Variants in PPARGC1B observed in about 807,000 individuals in gnomAD.
PPARGC1B encodes PPARG coactivator 1 beta.
In PPARGC1B, 34 loss-of-function variants were observed where a neutral mutation model predicts 101.6. That is an observed-to-expected ratio of 0.33 (90% confidence interval 0.25 to 0.45). The LOEUF (loss-of-function observed/expected upper bound fraction) is 0.45. Ranked by LOEUF, PPARGC1B falls within the 20% of genes least tolerant of loss-of-function variation. The pLI is 1.00. For missense variants in PPARGC1B, 1,234 were observed against 1,317.6 expected (o/e 0.94, Z 0.98); for synonymous variants, 548 against 539.3 (o/e 1.02, Z -0.22).
intron 1 of PPARGC1B, among the ~76,000 whole-genome samples, chr5:149,738,816 T>G (rs1754815616): frequency 6.6e-6 from 1 of 152,226 alleles, no homozygotes; most frequent in South Asian, 2.1e-4. Context: ...AGGCTGGTCT[T>G]GAACTCCTGA....
chr5:149,768,780 T>C (rs558843038), intron 1 of PPARGC1B, among the ~76,000 whole-genome samples: 1 of 150,828 alleles, frequency 6.6e-6, no homozygotes, highest in East Asian at 2.0e-4. Context: ...CCTCCCAAAG[T>C]GCTAGGATTA....
chr5:149,748,202 A>G (rs374617809), intron 1 of PPARGC1B, among the ~76,000 whole-genome samples: 2 of 152,130 alleles, frequency 1.3e-5, no homozygotes, highest in African/African-American at 4.8e-5. Flanking sequence ...GCCTGAGTCC[A>G]GGGTCTGTCA....
chr5:149,801,713 A>C (rs1757435961), intron 1 of PPARGC1B, among the ~76,000 whole-genome samples: 1 of 152,086 alleles, frequency 6.6e-6, no homozygotes, highest in Admixed American at 6.6e-5. Flanking sequence ...TGGGGGCTGG[A>C]GTAGAGGCAG....
In PPARGC1B at chr5:149,787,109, A is replaced by T. The variant is rs1400689365; in HGVS notation, c.79-33324A>T. Among the ~76,000 whole-genome samples the T allele has an allele frequency of 1.1e-4, 16 of 152,222 alleles. 1 individual carries two copies. The highest frequency in any genetic ancestry group is 1.0e-3 in the Admixed American group (16 of 15,292). ...ACACAGGCTCTTTCCAGCCAATGGG[A>T]GAAACGGCCTCAGGGTTTCCCATGG... is the stretch of plus-strand genomic sequence containing the variant. On this transcript the variant is annotated intron_variant, in intron 1 of 11. Transcript: ENST00000309241.
intron 1 of PPARGC1B, among the ~76,000 whole-genome samples, chr5:149,779,131 ACT>A (rs1756502296): frequency 6.6e-6 from 1 of 151,984 alleles, no homozygotes; most frequent in Non-Finnish European, 1.5e-5. Flanking sequence ...CCCCAGCCAG[ACT>A]CTGAATCTGA....
intron 1 of PPARGC1B, among the ~76,000 whole-genome samples, chr5:149,769,588 A>G (rs1756048202): frequency 1.3e-5 from 2 of 152,054 alleles, no homozygotes; most frequent in African/African-American, 4.8e-5. Flanking sequence ...TATACGTTGA[A>G]TGGGGGCTGT....
At chr5:149,826,972 C>A in intron 3 of PPARGC1B, 87 bp downstream of exon 3, 5 of 1,028,368 alleles carry the variant, frequency 4.9e-6, no homozygotes, top group Non-Finnish European at 7.3e-6. Flanking sequence ...CAATCCGCTC[C>A]AGCCCCGCAG....
At chr5:149,738,315 T>C (rs1443389899) in intron 1 of PPARGC1B, among the ~76,000 whole-genome samples, 2 of 152,216 alleles carry the variant, frequency 1.3e-5, no homozygotes, top group Non-Finnish European at 2.9e-5. Context: ...TTTCGTTCAT[T>C]TCACCCACCT....
At chr5:149,772,051 T>A in intron 1 of PPARGC1B, 3 of 1,535,028 alleles carry the variant, frequency 2.0e-6, no homozygotes, top group Non-Finnish European at 2.6e-6. Context: ...CGTGCCAGGC[T>A]GTGCACAGGT....
chr5:149,857,450 C>T (rs2113479219), downstream of PPARGC1B, among the ~76,000 whole-genome samples: 1 of 152,292 alleles, frequency 6.6e-6, no homozygotes, highest in Middle Eastern at 3.4e-3. Context: ...CATCAATGCC[C>T]GTGTGTTCCT....
chr5:149,792,615 T>G (rs1356835674), intron 1 of PPARGC1B, among the ~76,000 whole-genome samples: 2 of 152,254 alleles, frequency 1.3e-5, no homozygotes, highest in Non-Finnish European at 2.9e-5. Flanking sequence ...TTTTTGTGCC[T>G]GAGTTTTCCC....
At chr5:149,734,412 T>C (rs1321047331) in intron 1 of PPARGC1B, among the ~76,000 whole-genome samples, 3 of 151,592 alleles carry the variant, frequency 2.0e-5, no homozygotes, top group East Asian at 3.9e-4. Flanking sequence ...TTTTTTTTTT[T>C]CCTCTTCCAA....
At chr5:149,774,796 C>T (rs1026595223) in intron 1 of PPARGC1B, among the ~76,000 whole-genome samples, 3 of 152,058 alleles carry the variant, frequency 2.0e-5, no homozygotes, top group Non-Finnish European at 4.4e-5. Context: ...GATCCTCAGG[C>T]CTTCTCAGAA....
chr5:149,755,618 ATTAT>A (rs200015223), intron 1 of PPARGC1B, among the ~76,000 whole-genome samples: 1 of 5,982 alleles, frequency 1.7e-4, no homozygotes, highest in East Asian at 1.3e-3. Context: ...TATTATTGTT[ATTAT>A]TATTATTATT....
At position 149,833,468 on chromosome 5, in the gene PPARGC1B, G is replaced by C. The variant is rs537389919; in HGVS notation, c.1395G>C (p.Leu465=). The change falls in exon 5 of 12, where the codon CTG becomes CTC. Residue 465 remains leucine, a synonymous_variant. Coordinates refer to ENST00000309241, the MANE Select transcript of PPARGC1B (RefSeq NM_133263.4). The surrounding 1 kb of genome is among the most constrained non-coding windows in gnomAD (Gnocchi z 4.1). ...RPGRGLPWTK[L]GRKLESSVCP... Reference sequence around the variant, plus strand: ...GCCGAGGCCTGCCATGGACGAAGCTGGGGAGGAAGCTGGAGAGCTCTGTGT... The same window carrying C: ...GCCGAGGCCTGCCATGGACGAAGCTCGGGAGGAAGCTGGAGAGCTCTGTGT... 2 of 1,569,588 alleles carry C rather than the reference G, an allele frequency of 1.3e-6. No homozygotes were observed. The highest frequency in any genetic ancestry group is 2.7e-5 in the African/African-American group (2 of 73,746).
At chr5:149,751,107 T>G (rs1033872520) in intron 1 of PPARGC1B, among the ~76,000 whole-genome samples, 30 of 152,220 alleles carry the variant, frequency 2.0e-4, no homozygotes, top group African/African-American at 5.8e-4. Context: ...ATATTTTGGT[T>G]GTTTTGTTTA....
intron 1 of PPARGC1B, among the ~76,000 whole-genome samples, chr5:149,811,720 G>A (rs1481569825): frequency 6.6e-6 from 1 of 152,216 alleles, no homozygotes; most frequent in Non-Finnish European, 1.5e-5. Flanking sequence ...GATTAGCTTT[G>A]GCTGCAAGTA....
intron 1 of PPARGC1B, 92 bp from the exon 2 acceptor site, chr5:149,820,341 G>A: frequency 7.8e-7 from 1 of 1,281,708 alleles, no homozygotes. Flanking sequence ...TTGGCCACGG[G>A]TCCAGATTAG....
chr5:149,813,914 T>G (rs889753381), intron 1 of PPARGC1B, among the ~76,000 whole-genome samples: 1 of 152,154 alleles, frequency 6.6e-6, no homozygotes, highest in African/African-American at 2.4e-5. Context: ...CCGAGCTTAC[T>G]TGGGTCTGTT....
Sources: gnomAD v4.1 joint callset for allele counts (sites outside exome capture counted in the v4.1 genomes callset) on GRCh38, gnomAD v4.1.1 for gene constraint, Gnocchi (gnomAD v3.1) non-coding constraint, MANE v1.5 for transcripts, NCBI Gene and HGNC (gene_info 2026-07-23, HGNC 2026-07-21) for gene names.